GALNT9: variants seen among roughly 807,000 people sequenced by gnomAD.
GALNT9 encodes the protein GalNAc transferase 9.
GALNT9 carries 47 observed loss-of-function variants against 63.1 expected under a neutral mutation model. The observed-to-expected ratio is 0.75, with a 90% CI of 0.59 to 0.95. The LOEUF (loss-of-function observed/expected upper bound fraction) is 0.95. Among genes scored for constraint, GALNT9 ranks in the 40% least tolerant of loss-of-function variants. The pLI is 0.00. For synonymous variants in GALNT9, 396 were observed against 365.7 expected (o/e 1.08, Z -0.94); for missense variants, 829 against 874.8 (o/e 0.95, Z 0.66).
chr12:132,303,422 G>T (rs61945667), intron 1 of GALNT9, among the ~76,000 whole-genome samples: 1 of 87,066 alleles, frequency 1.1e-5, no homozygotes, highest in African/African-American at 4.9e-5. Context: ...CCCGGGCACA[G>T]CCTCGCCCGG....
At chr12:132,298,896 C>G (rs1402607975) in intron 1 of GALNT9, among the ~76,000 whole-genome samples, 2 of 148,276 alleles carry the variant, frequency 1.3e-5, no homozygotes, top group African/African-American at 4.9e-5. Context: ...ATAACCCACT[C>G]TCATAACTAA....
intron 1 of GALNT9, among the ~76,000 whole-genome samples, chr12:132,326,477 T>G (rs1435796288): frequency 3.9e-5 from 6 of 152,120 alleles, no homozygotes; most frequent in East Asian, 1.9e-4. Flanking sequence ...TCAATGGATA[T>G]CCCAAAGAAA....
rs1377918167 is a variant in GALNT9, at chr12:132,196,607, CCT to C, written c.*498_*499del. On this transcript the variant is annotated 3_prime_UTR_variant, in exon 11 of 11. Transcript: ENST00000328957. Reference sequence around the variant, plus strand: ...GTCGCTGTCCATGTCCTCCAGCACCCCTCTTACCAGACCACAAGGAGCTGCAT... The same window carrying C: ...GTCGCTGTCCATGTCCTCCAGCACCCCTTACCAGACCACAAGGAGCTGCAT... 4.0e-6 allele frequency: 4 copies of C among 989,948 alleles called. No individual in the cohort carries two copies. The highest frequency in any genetic ancestry group is 4.8e-6 in the Non-Finnish European group (4 of 833,000). The allele number at this position is 989,948 out of a possible 1,614,324, so 61.3% of individuals were successfully genotyped here. A position where few individuals can be genotyped will look rare whatever the true frequency, so the allele number is the denominator to read the frequency against.
chr12:132,266,373 G>A (rs1555240201), intron 2 of GALNT9, among the ~76,000 whole-genome samples: 4 of 152,222 alleles, frequency 2.6e-5, no homozygotes, highest in Non-Finnish European at 5.9e-5. Context: ...AAATTCTTTT[G>A]TGCTGCAAAG....
At chr12:132,303,362 T>G (rs547695714) in intron 1 of GALNT9, among the ~76,000 whole-genome samples, 4 of 148,052 alleles carry the variant, frequency 2.7e-5, no homozygotes, top group African/African-American at 7.5e-5. Flanking sequence ...AGAGGAGAGA[T>G]GAGAAGCAGC....
At position 132,251,027 on chromosome 12, in the gene GALNT9, C is replaced by T. The variant is rs561019105; in HGVS notation, c.960-3000G>A. On this transcript the variant is annotated intron_variant, in intron 5 of 10. Transcript: ENST00000328957. Reference sequence around the variant, plus strand: ...CACGGAGAAGCTAAGACAAGGGCACCGGAGCCGCGTCCTTCCACACGGAGT... The same window carrying T: ...CACGGAGAAGCTAAGACAAGGGCACTGGAGCCGCGTCCTTCCACACGGAGT... Among the ~76,000 whole-genome samples, 21 of 152,266 alleles carry T rather than the reference C, an allele frequency of 1.4e-4. No individual in the cohort carries two copies. In the South Asian group the frequency reaches 3.7e-3, roughly 27 times the overall value.
chr12:132,203,434 G>A (rs1876349090), intron 7 of GALNT9, 71 bp downstream of exon 7: 1 of 1,500,728 alleles, frequency 6.7e-7, no homozygotes, highest in East Asian at 2.3e-5. Context: ...CCTCCCTCCG[G>A]CCCAGCCCTG....
At position 132,203,607 on chromosome 12, in the gene GALNT9, G is replaced by A. The variant is rs143941649; in HGVS notation, c.1161C>T (p.Asn387=). The change falls in exon 7 of 11, where the codon AAC becomes AAT. Residue 387 remains asparagine, a synonymous_variant. Coordinates refer to ENST00000328957, the MANE Select transcript of GALNT9 (RefSeq NM_001122636.2). Reference sequence around the variant, plus strand: ...TGCGCTTGGCATAGTAGTCAATGTCGTTGTTGTAGGGCTTCCTGGTGCGCT... The same window carrying A: ...TGCGCTTGGCATAGTAGTCAATGTCATTGTTGTAGGGCTTCCTGGTGCGCT... The part of the protein sequence containing the change: ...HIERTRKPYN[N]DIDYYAKRNA... 1.2e-4 allele frequency: 201 copies of A among 1,613,814 alleles called. 1 individual carries two copies. The East Asian group carries it at 3.7e-3, about 30-fold the overall frequency.
intron 6 of GALNT9, among the ~76,000 whole-genome samples, chr12:132,247,233 C>G (rs1878737656): frequency 6.6e-6 from 1 of 152,224 alleles, no homozygotes; most frequent in African/African-American, 2.4e-5. Context: ...CGGCCGAGCT[C>G]AGAGCCTCAC....
In GALNT9 at chr12:132,257,731, G is replaced by A. The variant is rs1555239248; in HGVS notation, c.917C>T (p.Pro306Leu). ...WGLWCMYIIP[P>L]QDWLDRGDES... ...GTCGCCGCGGTCCAGCCAGTCCTGC[G>A]GGGGGATGATGTACATGCACCAGAG... is the stretch of plus-strand genomic sequence containing the variant. Residue 306 changes from proline (P) to leucine (L), a missense_variant, in exon 5 of 11, where the codon CCG (proline) becomes CTG (leucine). Physicochemically the swap from Pro to Leu is moderately conservative, Grantham distance 98. Transcript: ENST00000328957. 9 of 1,550,136 alleles carry A rather than the reference G, an allele frequency of 5.8e-6. No homozygotes were observed. Among genetic ancestry groups the A allele is most frequent in the East Asian group, 2.4e-5 (1 of 40,906 alleles).
chr12:132,319,725 G>T lies in GALNT9; in HGVS notation c.238+9241C>A, dbSNP rs1346011539. 6.6e-6 allele frequency among the ~76,000 whole-genome samples: 1 copy of T among 152,182 alleles called. No homozygotes were observed. Among genetic ancestry groups the T allele is most frequent in the Non-Finnish European group, 1.5e-5 (1 of 68,026 alleles). ...CACACAGCTGTACCCGGCACAACAC[G>T]CGGCCACAGGTCACCTCAGGTCGCC... On this transcript the variant is annotated intron_variant, in intron 1 of 10. Transcript: ENST00000328957. This position sits in a 1 kb window ranked among gnomAD's most constrained non-coding sequence, Gnocchi z 5.2.
intron 6 of GALNT9, among the ~76,000 whole-genome samples, chr12:132,244,149 C>G (rs2136906276): frequency 4.6e-5 from 6 of 129,654 alleles, no homozygotes; most frequent in African/African-American, 1.6e-4. Flanking sequence ...CGGGCCAAGA[C>G]AGCCTGCGGT....
At chr12:132,303,710 C>G (rs1271497165) in intron 1 of GALNT9, among the ~76,000 whole-genome samples, 6 of 27,110 alleles carry the variant, frequency 2.2e-4, no homozygotes, top group Non-Finnish European at 1.6e-4. Flanking sequence ...CCGGGGCACA[C>G]CCTCACCCGG....
rs1201124297 is a variant in GALNT9 at position 132,315,590 on chromosome 12, C to T, written c.238+13376G>A. Among the ~76,000 whole-genome samples the T allele has an allele frequency of 4.6e-5, 7 of 152,160 alleles. No individual in the cohort carries two copies. The highest frequency in any genetic ancestry group is 7.2e-5 in the African/African-American group (3 of 41,430). On this transcript the variant is annotated intron_variant, in intron 1 of 10. Transcript: ENST00000328957. The surrounding 1 kb of genome is among the most constrained non-coding windows in gnomAD (Gnocchi z 6.1). ...GAAAGTAAAAATAGCCCCTTTCTGC[C>T]GTGGGATGTGGGCGAGGTTGCGCCG... is the stretch of plus-strand genomic sequence containing the variant.
intron 1 of GALNT9, among the ~76,000 whole-genome samples, chr12:132,311,353 G>A (rs552272388): frequency 6.6e-5 from 10 of 152,288 alleles, no homozygotes; most frequent in African/African-American, 2.2e-4. Flanking sequence ...CCTCGGCGTG[G>A]TCCAAGCAAC....
intron 1 of GALNT9, among the ~76,000 whole-genome samples, chr12:132,312,719 C>T (rs886193132): frequency 3.9e-5 from 6 of 152,206 alleles, no homozygotes; most frequent in Admixed American, 2.0e-4. Context: ...CTTGCTGAAG[C>T]CCCCAGTGGA....
At chr12:132,254,032 T>C (rs994158739) in intron 5 of GALNT9, among the ~76,000 whole-genome samples, 14 of 152,148 alleles carry the variant, frequency 9.2e-5, no homozygotes, top group African/African-American at 3.4e-4. Flanking sequence ...TTTCTTTTTT[T>C]TTTTTTTAGA....
intron 7 of GALNT9, among the ~76,000 whole-genome samples, chr12:132,202,878 T>TTAGAAAACAAAC (rs1876275655): frequency 6.6e-6 from 1 of 152,036 alleles, no homozygotes; most frequent in South Asian, 2.1e-4. Flanking sequence ...AAATTACAAA[T>TTAGAAAACAAAC]TAGAAAACAA....
chr12:132,279,380 G>C lies in GALNT9; in HGVS notation c.419+6870C>G, dbSNP rs938080020. The C allele has an allele frequency of 2.0e-5, 3 of 152,330 alleles. No homozygotes were observed. Among genetic ancestry groups the C allele is most frequent in the Non-Finnish European group, 2.9e-5 (2 of 68,144 alleles). 9.4% of individuals were successfully genotyped at this position (152,330 alleles called of 1,614,324 possible). On this transcript the variant is annotated intron_variant, in intron 2 of 10. Transcript: ENST00000328957. This position sits in a 1 kb window ranked among gnomAD's most constrained non-coding sequence, Gnocchi z 4.1. ...TCAGTGGGGACGGCTGGCTGCAGCT[G>C]TCAGACTTGGAGCGTGAGGACAGAG...
Sources: allele counts gnomAD v4.1 joint callset (sites outside exome capture counted in the v4.1 genomes callset), GRCh38; gene constraint gnomAD v4.1.1; non-coding constraint Gnocchi (gnomAD v3.1); transcripts MANE v1.5; gene names NCBI Gene and HGNC (gene_info 2026-07-23, HGNC 2026-07-21).